EPHA7: variants seen among roughly 807,000 people sequenced by gnomAD.
EPHA7 encodes EPH receptor A7.
Under a neutral mutation model 112.6 loss-of-function variants are expected in EPHA7, and 25 were observed. That is an observed-to-expected ratio of 0.22 (90% CI 0.16 to 0.31). The LOEUF (loss-of-function observed/expected upper bound fraction) is 0.31, where lower values mean the gene tolerates loss of function less well. EPHA7 is among the 10% of genes least tolerant of loss of function. The pLI is 1.00. For synonymous variants in EPHA7, 437 were observed against 406.5 expected (o/e 1.07, Z -0.90); for missense variants, 962 against 1,212.6 (o/e 0.79, Z 3.07).
chr6:93,393,735 T>C (rs1778022157), intron 3 of EPHA7, among the ~76,000 whole-genome samples: 1 of 151,788 alleles, frequency 6.6e-6, no homozygotes, highest in South Asian at 2.1e-4. Context: ...TAAAGTACAA[T>C]TGGCCCTTTC....
At chr6:93,338,959 TTA>T (rs1027152432) in intron 5 of EPHA7, among the ~76,000 whole-genome samples, 3 of 149,504 alleles carry the variant, frequency 2.0e-5, no homozygotes, top group South Asian at 2.1e-4. Context: ...TAATCAAATT[TTA>T]TGTTAAATTA....
chr6:93,332,784 A>T (rs1774662530), intron 5 of EPHA7, among the ~76,000 whole-genome samples: 1 of 151,790 alleles, frequency 6.6e-6, no homozygotes, highest in South Asian at 2.1e-4. Context: ...AAAGCAATTA[A>T]CTTGTGCAGA....
chr6:93,335,131 G>A (rs955829383), intron 5 of EPHA7, among the ~76,000 whole-genome samples: 2 of 151,970 alleles, frequency 1.3e-5, no homozygotes, highest in South Asian at 2.1e-4. Flanking sequence ...CAAAACTATC[G>A]CAAGTTTGAT....
In EPHA7 at chr6:93,410,234, C is replaced by G. The variant is rs1341347143; in HGVS notation, c.832+267G>C. ...CTCCTCTCTAAACTCCATAGCCCAA[C>G]GTGCAACTATTGACTTCCATGTTAA... On this transcript the variant is annotated intron_variant, in intron 3 of 16. Coordinates refer to ENST00000369303, the MANE Select transcript of EPHA7 (RefSeq NM_004440.4). The surrounding 1 kb of genome is among the most constrained non-coding windows in gnomAD (Gnocchi z 4.0). 1 of 384,460 alleles carries G rather than the reference C, an allele frequency of 2.6e-6. No homozygotes were observed. The highest frequency in any genetic ancestry group is 4.0e-5 in the Admixed American group (1 of 24,812). 23.8% of individuals were successfully genotyped at this position (384,460 alleles called of 1,614,324 possible). A position where few individuals can be genotyped will look rare whatever the true frequency, so the allele number is the denominator to read the frequency against.
At chr6:93,317,211 C>T (rs191742246) in intron 5 of EPHA7, among the ~76,000 whole-genome samples, 221 of 152,114 alleles carry the variant, frequency 1.5e-3, no homozygotes, top group Middle Eastern at 6.8e-3. Flanking sequence ...TGCAGAAATC[C>T]CACAACTTTC....
At chr6:93,380,147 G>A (rs1014935289) in intron 3 of EPHA7, among the ~76,000 whole-genome samples, 3 of 151,888 alleles carry the variant, frequency 2.0e-5, no homozygotes, top group African/African-American at 7.3e-5. Context: ...CAATCTGTAG[G>A]AGCAGTACCC....
At chr6:93,299,108 A>C (rs1033761897) in intron 5 of EPHA7, among the ~76,000 whole-genome samples, 12 of 133,144 alleles carry the variant, frequency 9.0e-5, no homozygotes, top group Admixed American at 4.2e-4. Context: ...GGGCGGATCA[A>C]GAGGTCAGGA....
rs979195562 is a variant in EPHA7 at position 93,291,575 on chromosome 6, C to T, written c.1325-19153G>A. Reference sequence around the variant, plus strand: ...CGAGGTCAGGAGATCGAGACCATCCCGGCTAAAACGGTGAAACCCCGTCTC... The same window carrying T: ...CGAGGTCAGGAGATCGAGACCATCCTGGCTAAAACGGTGAAACCCCGTCTC... On this transcript the variant is annotated intron_variant, in intron 5 of 16. Transcript: ENST00000369303. Among the ~76,000 whole-genome samples, 22 of 150,286 alleles carry T rather than the reference C, an allele frequency of 1.5e-4. No homozygotes were observed. The South Asian group carries it at 1.5e-3, about 10-fold the overall frequency.
At chr6:93,288,032 G>C (rs1051832935) in intron 5 of EPHA7, among the ~76,000 whole-genome samples, 1 of 152,086 alleles carries the variant, frequency 6.6e-6, no homozygotes, top group Non-Finnish European at 1.5e-5. Context: ...TTTTTTTAAA[G>C]AGTTAAATAT....
chr6:93,369,402 T>C (rs948282452), intron 3 of EPHA7, among the ~76,000 whole-genome samples: 1 of 152,152 alleles, frequency 6.6e-6, no homozygotes, highest in Non-Finnish European at 1.5e-5. Flanking sequence ...CCATAGAATT[T>C]TGCAAAAAGA....
chr6:93,371,016 T>C (rs1202128958), intron 3 of EPHA7, among the ~76,000 whole-genome samples: 1 of 150,818 alleles, frequency 6.6e-6, no homozygotes, highest in Non-Finnish European at 1.5e-5. Context: ...AAAAAAAACT[T>C]AGCCAGCCGT....
chr6:93,358,603 C>A (rs1321209405), intron 3 of EPHA7, among the ~76,000 whole-genome samples, 192 bp from the exon 4 acceptor site: 1 of 152,084 alleles, frequency 6.6e-6, no homozygotes, highest in Non-Finnish European at 1.5e-5. Context: ...CAAAATAATA[C>A]AAACAAAATG....
At chr6:93,415,563 T>C (rs1258137074) in intron 1 of EPHA7, among the ~76,000 whole-genome samples, 2 of 152,232 alleles carry the variant, frequency 1.3e-5, no homozygotes, top group East Asian at 3.9e-4. Context: ...TAGAATGTTA[T>C]ATATTAATAC....
chr6:93,323,043 T>C (rs1039506526), intron 5 of EPHA7, among the ~76,000 whole-genome samples: 3 of 151,668 alleles, frequency 2.0e-5, no homozygotes, highest in Non-Finnish European at 4.4e-5. Flanking sequence ...AAAAAAGATG[T>C]GAAAACTTTT....
At chr6:93,259,000 G>C (rs1770569885) in intron 10 of EPHA7, among the ~76,000 whole-genome samples, 1 of 151,840 alleles carries the variant, frequency 6.6e-6, no homozygotes, top group South Asian at 2.1e-4. Context: ...TAAGAAGACA[G>C]TAAATCAAGT....
intron 5 of EPHA7, among the ~76,000 whole-genome samples, chr6:93,353,824 T>A (rs568200509): frequency 6.6e-6 from 1 of 152,202 alleles, no homozygotes; most frequent in African/African-American, 2.4e-5. Flanking sequence ...GGGCCCTTGA[T>A]ACCAATGGCC....
intron 1 of EPHA7, 76 bp downstream of exon 1, chr6:93,419,169 C>T (rs1192025132): frequency 7.2e-6 from 9 of 1,245,580 alleles, no homozygotes; most frequent in Non-Finnish European, 9.8e-6. Flanking sequence ...CCGGCAGCGC[C>T]GCGGACGAGC....
intron 5 of EPHA7, among the ~76,000 whole-genome samples, chr6:93,352,094 A>AT (rs1194791506): frequency 6.6e-6 from 1 of 152,076 alleles, no homozygotes; most frequent in Non-Finnish European, 1.5e-5. Context: ...ATTCCACAAC[A>AT]TTTTTTGTAC....
intron 5 of EPHA7, among the ~76,000 whole-genome samples, chr6:93,279,090 A>T (rs1771607732): frequency 6.6e-6 from 1 of 152,074 alleles, no homozygotes; most frequent in African/African-American, 2.4e-5. Flanking sequence ...TATATGCGAC[A>T]AAATTCAAAA....
Sources: gnomAD v4.1 joint callset for allele counts (sites outside exome capture counted in the v4.1 genomes callset) on GRCh38, gnomAD v4.1.1 for gene constraint, Gnocchi (gnomAD v3.1) non-coding constraint, MANE v1.5 for transcripts, NCBI Gene and HGNC (gene_info 2026-07-23, HGNC 2026-07-21) for gene names.